The following RAD23A variants were observed in gnomAD, a reference collection of about 807,000 sequenced individuals.
RAD23A encodes the protein lysine-specific demethylase RAD23A.
In RAD23A, 16 loss-of-function variants were observed where a neutral mutation model predicts 44.8. The ratio of observed to expected loss-of-function variants is 0.36; its 90% CI spans 0.24 to 0.54. The LOEUF (loss-of-function observed/expected upper bound fraction) is 0.54, where lower values mean the gene tolerates loss of function less well. Among genes scored for constraint, RAD23A ranks in the 20% least tolerant of loss-of-function variants. The pLI is 0.89. For missense variants in RAD23A, 380 were observed against 483.3 expected (o/e 0.79, Z 2.00); for synonymous variants, 217 against 202.9 (o/e 1.07, Z -0.59).
intron 7 of RAD23A, 32 bp from the exon 8 acceptor site, chr19:12,952,657 A>T (rs1297085877): frequency 6.3e-6 from 10 of 1,583,850 alleles, no homozygotes; most frequent in Non-Finnish European, 8.7e-6. Context: ...CAGGGCTGTG[A>T]ATTACCTTCC....
Position 12,948,120 on chromosome 19 carries a change from G to T in RAD23A, c.235-57G>T, listed in dbSNP as rs200786579. The T allele has an allele frequency of 2.7e-5, 44 of 1,610,056 alleles. No individual in the cohort carries two copies. Among genetic ancestry groups the T allele is most frequent in the Non-Finnish European group, 3.2e-5 (38 of 1,177,138 alleles). On this transcript the variant is annotated intron_variant, in intron 2 of 8. Transcript: ENST00000586534. The surrounding 1 kb of genome is among the most constrained non-coding windows in gnomAD (Gnocchi z 5.5). ...GAACAGGGCGGGGCCACAGCGGAGC[G>T]GGTTGTTGGGTCTGATAGGGTTGCT...
chr19:12,946,335 C>T (rs1239409420), intron 1 of RAD23A, among the ~76,000 whole-genome samples: 1 of 152,256 alleles, frequency 6.6e-6, no homozygotes, highest in Non-Finnish European at 1.5e-5. Context: ...GCCAAGCTCT[C>T]CAAGACTGGG....
rs745639429 is a variant in RAD23A, at chr19:12,949,238, C to T, written c.680-37C>T. 4 of 1,613,794 alleles carry T rather than the reference C, an allele frequency of 2.5e-6. No homozygotes were observed. The East Asian group carries it at 6.7e-5, about 27-fold the overall frequency. ...CCACCCCGCAGTGCTCCTAGGAGCC[C>T]GGCGTGGTGTCTGACTGCACCCCTT... On this transcript the variant is annotated intron_variant, in intron 6 of 8. Transcript: ENST00000586534.
Position 12,952,868 on chromosome 19 carries a change from T to G in RAD23A, c.978+15T>G. ...CTATAGAGAGGGTAAGAGGCCTGGC[T>G]GAGGGGTGACTGCAGGTGGGCAGGA... On this transcript the variant is annotated intron_variant, in intron 8 of 8. Coordinates refer to ENST00000586534, the MANE Select transcript of RAD23A (RefSeq NM_005053.4). 1 of 1,603,762 alleles carries G rather than the reference T, an allele frequency of 6.2e-7. No individual in the cohort carries two copies. Among genetic ancestry groups the G allele is most frequent in the Non-Finnish European group, 8.5e-7 (1 of 1,173,518 alleles).
At chr19:12,951,972 G>C (rs1032928382) in intron 7 of RAD23A, among the ~76,000 whole-genome samples, 4 of 152,160 alleles carry the variant, frequency 2.6e-5, no homozygotes, top group Middle Eastern at 3.2e-3. Flanking sequence ...GCCCAGGCTG[G>C]AGTGCAGTGG....
intron 7 of RAD23A, among the ~76,000 whole-genome samples, chr19:12,951,742 A>C (rs1477781946): frequency 6.6e-6 from 1 of 152,084 alleles, no homozygotes; most frequent in Non-Finnish European, 1.5e-5. Context: ...CACCGTGCCC[A>C]GCCCCATTCA....
Position 12,953,000 on chromosome 19 carries a change from A to C in RAD23A, c.1043A>C (p.Glu348Ala). 2 of 1,614,098 alleles carry C rather than the reference A, an allele frequency of 1.2e-6. No individual in the cohort carries two copies. Among genetic ancestry groups the C allele is most frequent in the East Asian group, 4.5e-5 (2 of 44,876 alleles). ...IQAYFACEKNENLAANFLLSQ... is the reference protein window; with the variant it reads ...IQAYFACEKNANLAANFLLSQ... ...GCCTATTTCGCGTGTGAAAAAAATG[A>C]GAACTTGGCTGCCAACTTCCTCCTG... Residue 348 changes from glutamate to alanine, a missense_variant, in exon 9 of 9, where the codon GAG becomes GCG. This residue lies in a region of RAD23A where 31 missense variants were observed against 63.6 expected (regional missense o/e 0.49). Transcript: ENST00000586534.
chr19:12,946,444 G>GT (rs747199330), intron 1 of RAD23A, among the ~76,000 whole-genome samples: 5 of 152,226 alleles, frequency 3.3e-5, no homozygotes, highest in Admixed American at 6.5e-5. Flanking sequence ...CAACAACGAT[G>GT]TTAATGATAA....
chr19:12,949,429 G>C (rs755998411), intron 7 of RAD23A, 21 bp downstream of exon 7: 1 of 1,607,928 alleles, frequency 6.2e-7, no homozygotes, highest in Non-Finnish European at 8.5e-7. Context: ...AAGGGCAGAG[G>C]GAGCTAGGGC....
chr19:12,952,815 A>G lies in RAD23A; in HGVS notation c.940A>G (p.Ile314Val), dbSNP rs758558966. The G allele has an allele frequency of 6.2e-7, 1 of 1,609,552 alleles. No homozygotes were observed. The highest frequency in any genetic ancestry group is 1.1e-5 in the South Asian group (1 of 90,692). ...AGAGGAGGCCCCGCAGATGAACTAC[A>G]TCCAGGTGACGCCGCAGGAGAAAGA... The part of the protein sequence containing the change: ...IGEEAPQMNY[I>V]QVTPQEKEAI... Residue 314 changes from isoleucine (I) to valine (V), a missense_variant, in exon 8 of 9, where the codon ATC (isoleucine) becomes GTC (valine). Ile to Val is a conservative substitution (Grantham distance 29, BLOSUM62 3). Coordinates refer to ENST00000586534, the MANE Select transcript of RAD23A (RefSeq NM_005053.4).
intron 7 of RAD23A, 26 bp from the exon 8 acceptor site, chr19:12,952,663 C>G: frequency 6.3e-7 from 1 of 1,593,636 alleles, no homozygotes; most frequent in Non-Finnish European, 8.6e-7. Flanking sequence ...TGTGAATTAC[C>G]TTCCCTTCCC....
rs776319080 is a variant in RAD23A at position 12,952,942 on chromosome 19, G to A, written c.985G>A (p.Ala329Thr). The change falls in exon 9 of 9, where the codon GCC (alanine) becomes ACC (threonine). Residue 329 changes from alanine (A) to threonine (T), a missense_variant. Physicochemically the swap from Ala to Thr is moderately conservative, Grantham distance 58. Around this residue, in one of 3 missense-constraint regions of RAD23A, gnomAD observed 31 missense variants for 63.6 expected, o/e 0.49. Coordinates refer to ENST00000586534, the MANE Select transcript of RAD23A (RefSeq NM_005053.4). ...QEKEAIERLK[A>T]LGFPESLVIQ... ...TTAACCTATCTTCCCACAGTTGAAG[G>A]CCCTGGGCTTCCCAGAGAGCCTGGT... The A allele has an allele frequency of 6.2e-7, 1 of 1,613,834 alleles. No homozygotes were observed. Among genetic ancestry groups the A allele is most frequent in the South Asian group, 1.1e-5 (1 of 91,062 alleles).
rs1971868714 is a variant in RAD23A at position 12,953,393 on chromosome 19, CT to C, written c.*345del. 1 of 172,980 alleles carries C rather than the reference CT, an allele frequency of 5.8e-6. No homozygotes were observed. Among genetic ancestry groups the C allele is most frequent in the South Asian group, 1.9e-4 (1 of 5,390 alleles). The allele number at this position is 172,980 out of a possible 1,614,324, so 10.7% of individuals were successfully genotyped here. ...TGCCTCTCCATCCTCCGAAAAACCC[CT>C]GAGGACCCCCCCCCATCCTCTTCTA... On this transcript the variant is annotated 3_prime_UTR_variant, in exon 9 of 9. Transcript: ENST00000586534.
In RAD23A at chr19:12,949,328, C is replaced by G; in HGVS notation, c.733C>G (p.Arg245Gly). ...LRDQPQFQNM[R>G]QVIQQNPALL... Reference sequence around the variant, plus strand: ...GGACCAGCCCCAGTTCCAGAACATGCGGCAGGTGATTCAGCAGAACCCTGC... The same window carrying G: ...GGACCAGCCCCAGTTCCAGAACATGGGGCAGGTGATTCAGCAGAACCCTGC... The change falls in exon 7 of 9, where the codon CGG becomes GGG. Residue 245 changes from arginine (R) to glycine (G), a missense_variant. Physicochemically the swap from Arg to Gly is moderately radical, Grantham distance 125 (BLOSUM62 -2). Coordinates refer to ENST00000586534, the MANE Select transcript of RAD23A (RefSeq NM_005053.4). 1 of 1,614,112 alleles carries G rather than the reference C, an allele frequency of 6.2e-7. No individual in the cohort carries two copies. The highest frequency in any genetic ancestry group is 1.1e-5 in the South Asian group (1 of 91,090).
chr19:12,953,013 CA>C lies in RAD23A; in HGVS notation c.1058del (p.Asn353ThrfsTer4). 1 of 1,614,028 alleles carries C rather than the reference CA, an allele frequency of 6.2e-7. No homozygotes were observed. Among genetic ancestry groups the C allele is most frequent in the Non-Finnish European group, 8.5e-7 (1 of 1,180,014 alleles). On this transcript the variant is annotated frameshift_variant, in exon 9 of 9. Transcript: ENST00000586534. LOFTEE classifies it high-confidence loss of function. ...ACEKNENLAA[N>X]FLLSQNFDDE ...GTGAAAAAAATGAGAACTTGGCTGCCAACTTCCTCCTGAGTCAGAACTTTGA... is the reference window on the plus strand; with the variant it reads ...GTGAAAAAAATGAGAACTTGGCTGCCACTTCCTCCTGAGTCAGAACTTTGA...
At position 12,948,962 on chromosome 19, in the gene RAD23A, GTGAGTGA is replaced by G; in HGVS notation, c.601-116_601-110del. The G allele has an allele frequency of 1.3e-6, 2 of 1,521,458 alleles. No individual in the cohort carries two copies. Among genetic ancestry groups the G allele is most frequent in the African/African-American group, 2.7e-5 (2 of 72,896 alleles). The allele number at this position is 1,521,458 out of a possible 1,614,324, so 94.2% of individuals were successfully genotyped here. ...AAAGGCTTCCCACAGGAGGCTGGAT[GTGAGTGA>G]TGGGTGGGCCTCTGGAGGGCAGGGC... On this transcript the variant is annotated intron_variant, in intron 5 of 8. Transcript: ENST00000586534. The surrounding 1 kb of genome is among the most constrained non-coding windows in gnomAD (Gnocchi z 5.5).
chr19:12,948,955 G>T lies in RAD23A; in HGVS notation c.601-126G>T. On this transcript the variant is annotated intron_variant, in intron 5 of 8. Transcript: ENST00000586534. The surrounding 1 kb of genome is among the most constrained non-coding windows in gnomAD (Gnocchi z 5.5). ...AGCCACTAAAGGCTTCCCACAGGAG[G>T]CTGGATGTGAGTGATGGGTGGGCCT... 1 of 1,529,268 alleles carries T rather than the reference G, an allele frequency of 6.5e-7. No individual in the cohort carries two copies. The highest frequency in any genetic ancestry group is 8.9e-7 in the Non-Finnish European group (1 of 1,120,258). 94.7% of individuals were successfully genotyped at this position (1,529,268 alleles called of 1,614,324 possible).
intron 7 of RAD23A, 159 bp downstream of exon 7, chr19:12,949,567 C>A (rs1412959704): frequency 2.0e-6 from 2 of 1,008,900 alleles, no homozygotes; most frequent in Non-Finnish European, 2.9e-6. Context: ...GGTGACCCCC[C>A]TGGTTTCTCA....
intron 1 of RAD23A, 53 bp downstream of exon 1, chr19:12,946,073 GTGGGGGC>G: frequency 2.3e-6 from 3 of 1,294,512 alleles, no homozygotes; most frequent in Non-Finnish European, 3.2e-6. Context: ...CGGGGGTGGG[GTGGGGGC>G]GGGGAGGCTA....
Sources: allele counts gnomAD v4.1 joint callset (sites outside exome capture counted in the v4.1 genomes callset), GRCh38; gene constraint gnomAD v4.1.1; regional missense constraint gnomAD v4.1.1; non-coding constraint Gnocchi (gnomAD v3.1); transcripts MANE v1.5; gene names NCBI Gene and HGNC (gene_info 2026-07-23, HGNC 2026-07-21).